UPF2: variants seen among roughly 807,000 people sequenced by gnomAD.
UPF2 encodes the protein regulator of nonsense transcripts 2.
Under a neutral mutation model 141.4 loss-of-function variants are expected in UPF2, and 17 were observed. The observed-to-expected ratio is 0.12, with a 90% CI of 0.08 to 0.18. The LOEUF (loss-of-function observed/expected upper bound fraction) is 0.18, where lower values mean the gene tolerates loss of function less well. Among genes scored for constraint, UPF2 ranks in the 10% least tolerant of loss-of-function variants. The pLI is 1.00. For missense variants in UPF2, 1,152 were observed against 1,515.9 expected (o/e 0.76, Z 3.99); for synonymous variants, 540 against 498.0 (o/e 1.08, Z -1.12).
chr10:12,017,458 G>A (rs1313070997), intron 3 of UPF2, among the ~76,000 whole-genome samples: 2 of 152,172 alleles, frequency 1.3e-5, no homozygotes, highest in South Asian at 2.1e-4. Flanking sequence ...GGATTTGCCT[G>A]TGACTTTGCG....
rs1461610435 is a variant in UPF2 at position 11,936,015 on chromosome 10, T to C, written c.3546+530A>G. Reference sequence around the variant, plus strand: ...CTTTCCTTCCCCGCCTGGGGCTTGCTTGTGGAAGTTTGTGCTAGAAGTCAA... The same window carrying C: ...CTTTCCTTCCCCGCCTGGGGCTTGCCTGTGGAAGTTTGTGCTAGAAGTCAA... On this transcript the variant is annotated intron_variant, in intron 19 of 21. Transcript: ENST00000357604. The surrounding 1 kb of genome is among the most constrained non-coding windows in gnomAD (Gnocchi z 6.6). Among the ~76,000 whole-genome samples, 3 of 152,194 alleles carry C rather than the reference T, an allele frequency of 2.0e-5. No individual in the cohort carries two copies. The highest frequency in any genetic ancestry group is 4.4e-5 in the Non-Finnish European group (3 of 68,026).
intron 3 of UPF2, among the ~76,000 whole-genome samples, chr10:12,024,488 T>C (rs1660731527): frequency 6.6e-6 from 1 of 152,012 alleles, no homozygotes; most frequent in African/African-American, 2.4e-5. Flanking sequence ...CATGTGCCTA[T>C]AGTCCCAGCT....
At chr10:11,984,549 T>C (rs1053457119) in intron 8 of UPF2, among the ~76,000 whole-genome samples, 7 of 152,124 alleles carry the variant, frequency 4.6e-5, no homozygotes, top group Non-Finnish European at 1.0e-4. Flanking sequence ...TCTTAAACTA[T>C]GTCATTTCAC....
At chr10:12,026,362 A>C (rs1722440) in intron 3 of UPF2, among the ~76,000 whole-genome samples, 18,007 of 152,236 alleles carry the variant, frequency 0.12, 1,135 homozygotes, top group South Asian at 0.13. Context: ...TCACAGATAG[A>C]AAAGAATGCA....
intron 3 of UPF2, among the ~76,000 whole-genome samples, chr10:12,018,799 C>T (rs1205682280): frequency 6.6e-6 from 1 of 152,056 alleles, no homozygotes; most frequent in Non-Finnish European, 1.5e-5. Flanking sequence ...TTTAGAAATT[C>T]TAATGAAATT....
chr10:11,997,620 G>C, intron 8 of UPF2, 52 bp downstream of exon 8: 1 of 1,504,864 alleles, frequency 6.6e-7, no homozygotes, highest in Non-Finnish European at 9.2e-7. Flanking sequence ...TGATCTTACA[G>C]CCAGCACTAC....
In UPF2 at chr10:12,016,183, A is replaced by C. The variant is rs1190550199; in HGVS notation, c.1146-1999T>G. ...ACTTTTAATCAGAAGTTCTAATAGAACTCATTTTGGAAGTGAAAAGTCATT... is the reference window on the plus strand; with the variant it reads ...ACTTTTAATCAGAAGTTCTAATAGACCTCATTTTGGAAGTGAAAAGTCATT... On this transcript the variant is annotated intron_variant, in intron 3 of 21. Coordinates refer to ENST00000357604, the MANE Select transcript of UPF2 (RefSeq NM_015542.4). The surrounding 1 kb of genome is among the most constrained non-coding windows in gnomAD (Gnocchi z 4.1). 6.6e-6 allele frequency among the ~76,000 whole-genome samples: 1 copy of C among 152,076 alleles called. No homozygotes were observed. The highest frequency in any genetic ancestry group is 1.5e-5 in the Non-Finnish European group (1 of 68,024).
Position 11,983,593 on chromosome 10 carries a change from C to T in UPF2, c.1845-4428G>A, listed in dbSNP as rs540466846. ...TTCACTGTATTAGCCAGGATGGTTT[C>T]GATCTCCTGAACTCGTGATCCACCT... is the stretch of plus-strand genomic sequence containing the variant. On this transcript the variant is annotated intron_variant, in intron 8 of 21. Coordinates refer to ENST00000357604, the MANE Select transcript of UPF2 (RefSeq NM_015542.4). 7.2e-5 allele frequency among the ~76,000 whole-genome samples: 11 copies of T among 152,154 alleles called. 1 individual carries two copies. Among genetic ancestry groups the T allele is most frequent in the South Asian group, 2.1e-4 (1 of 4,810 alleles).
At chr10:11,934,700 C>T (rs945993819) in intron 19 of UPF2, among the ~76,000 whole-genome samples, 7 of 152,210 alleles carry the variant, frequency 4.6e-5, no homozygotes, top group Non-Finnish European at 8.8e-5. Context: ...AGTGATTCTC[C>T]TGCCTCAGCC....
chr10:12,041,694 T>TATC (rs1424996063), intron 1 of UPF2, among the ~76,000 whole-genome samples: 2 of 152,198 alleles, frequency 1.3e-5, no homozygotes, highest in Non-Finnish European at 2.9e-5. Flanking sequence ...ACAGGAACAC[T>TATC]ATCTCCCAGT....
At chr10:11,943,822 TCA>T (rs1398336136) in intron 16 of UPF2, among the ~76,000 whole-genome samples, 1 of 151,814 alleles carries the variant, frequency 6.6e-6, no homozygotes, top group African/African-American at 2.4e-5. Flanking sequence ...CACCCCATCC[TCA>T]CAGTCAGTCC....
chr10:12,035,582 T>C, intron 1 of UPF2, 141 bp from the exon 2 acceptor site: 1 of 886,262 alleles, frequency 1.1e-6, no homozygotes, highest in South Asian at 2.5e-5. Context: ...GAATACTATT[T>C]CTGTTACAAA....
Position 12,004,711 on chromosome 10 carries a change from A to G in UPF2, c.1323T>C (p.Ile441=). 1 of 1,613,114 alleles carries G rather than the reference A, an allele frequency of 6.2e-7. No individual in the cohort carries two copies. The highest frequency in any genetic ancestry group is 8.5e-7 in the Non-Finnish European group (1 of 1,179,650). The change falls in exon 5 of 22, where the codon ATT becomes ATC. Residue 441 remains isoleucine (I), a synonymous_variant. Coordinates refer to ENST00000357604, the MANE Select transcript of UPF2 (RefSeq NM_015542.4). The stretch of plus-strand genomic sequence containing the variant: ...CAGGTTTACCAGGTGTGAATATATC[A>G]ATTCCAGGCCCATGTTCTACAATAA... ...KPTPEEHGPG[I]DIFTPGKPGE...
At chr10:11,975,669 C>T (rs576331159) in intron 9 of UPF2, among the ~76,000 whole-genome samples, 103 of 151,688 alleles carry the variant, frequency 6.8e-4, no homozygotes, top group Admixed American at 1.4e-3. Flanking sequence ...CCACCACGCC[C>T]GGCTAATTTT....
At chr10:11,954,643 A>AAAT (rs1439199969) in intron 14 of UPF2, among the ~76,000 whole-genome samples, 9 of 128,344 alleles carry the variant, frequency 7.0e-5, no homozygotes, top group East Asian at 2.1e-4. Context: ...CAAAAAAAAA[A>AAAT]ATATATATAT....
chr10:11,986,110 T>G (rs775115863), intron 8 of UPF2, among the ~76,000 whole-genome samples: 1 of 151,680 alleles, frequency 6.6e-6, no homozygotes, highest in African/African-American at 2.4e-5. Context: ...GGTCTCGATC[T>G]CCTGACCTTG....
intron 5 of UPF2, among the ~76,000 whole-genome samples, chr10:12,002,423 A>C (rs7099803): frequency 0.052 from 7,964 of 152,274 alleles, 285 homozygotes; most frequent in Non-Finnish European, 0.08. Flanking sequence ...TATCTATGCT[A>C]AAGATGAGGG....
In UPF2 at chr10:11,936,850, C is replaced by A; in HGVS notation, c.3379-138G>T. The A allele has an allele frequency of 3.7e-6, 3 of 802,426 alleles. No individual in the cohort carries two copies. The South Asian group carries it at 6.9e-5, about 19-fold the overall frequency. 49.7% of individuals were successfully genotyped at this position (802,426 alleles called of 1,614,324 possible). A position where few individuals can be genotyped will look rare whatever the true frequency, so the allele number is the denominator to read the frequency against. On this transcript the variant is annotated intron_variant, in intron 18 of 21. Transcript: ENST00000357604. This position sits in a 1 kb window ranked among gnomAD's most constrained non-coding sequence, Gnocchi z 6.6. ...GAGCCATAACAGTCAACAATTACAACCACCATAATACTCTTTCTGAAACGT... is the reference window on the plus strand; with the variant it reads ...GAGCCATAACAGTCAACAATTACAAACACCATAATACTCTTTCTGAAACGT...
At chr10:11,961,581 G>A (rs1231843486) in intron 11 of UPF2, among the ~76,000 whole-genome samples, 3 of 152,020 alleles carry the variant, frequency 2.0e-5, no homozygotes, top group Non-Finnish European at 4.4e-5. Context: ...GTGTGCAGAG[G>A]GAGATCACTG....
Sources: gnomAD v4.1 joint callset for allele counts (sites outside exome capture counted in the v4.1 genomes callset) on GRCh38, gnomAD v4.1.1 for gene constraint, Gnocchi (gnomAD v3.1) non-coding constraint, MANE v1.5 for transcripts, NCBI Gene and HGNC (gene_info 2026-07-23, HGNC 2026-07-21) for gene names.